The following ZNF804B variants were observed in gnomAD, a reference collection of about 807,000 sequenced individuals.
ZNF804B encodes zinc finger protein 804B, also known as zinc finger 804B.
ZNF804B carries 80 observed loss-of-function variants against 101.4 expected under a neutral mutation model. The observed-to-expected ratio is 0.79, with a 90% CI of 0.66 to 0.95. The LOEUF (loss-of-function observed/expected upper bound fraction) is 0.95, where lower values mean the gene tolerates loss of function less well. ZNF804B is among the 40% of genes least tolerant of loss of function. The pLI is 0.00. For missense variants in ZNF804B, 1,673 were observed against 1,561.9 expected (o/e 1.07, Z -1.20); for synonymous variants, 622 against 558.8 (o/e 1.11, Z -1.59).
intron 1 of ZNF804B, among the ~76,000 whole-genome samples, chr7:88,830,928 C>A (rs932703343): frequency 6.6e-6 from 1 of 151,658 alleles, no homozygotes; most frequent in Admixed American, 6.6e-5. Flanking sequence ...TATTCTTTTT[C>A]TTAAATTTTA....
chr7:89,043,198 C>T (rs1789045520), intron 1 of ZNF804B, among the ~76,000 whole-genome samples: 1 of 152,060 alleles, frequency 6.6e-6, no homozygotes, highest in Non-Finnish European at 1.5e-5. Flanking sequence ...TGCCGGTGTC[C>T]TTTGAGGCAT....
chr7:89,252,785 G>C (rs1376102830), intron 2 of ZNF804B, among the ~76,000 whole-genome samples: 1 of 152,190 alleles, frequency 6.6e-6, no homozygotes, highest in Non-Finnish European at 1.5e-5. Context: ...CACAGAAGCA[G>C]AAAATCAGAT....
chr7:89,331,809 T>C (rs35831039), intron 3 of ZNF804B, among the ~76,000 whole-genome samples: 10,898 of 151,380 alleles, frequency 0.072, 430 homozygotes, highest in East Asian at 0.12. Flanking sequence ...TAAATATCAA[T>C]ACCTAAAGGA....
chr7:88,878,118 A>T (rs577602567), intron 1 of ZNF804B, among the ~76,000 whole-genome samples: 6 of 152,336 alleles, frequency 3.9e-5, no homozygotes, highest in Admixed American at 6.5e-5. Context: ...TAGCTTAGAT[A>T]ATACTTCTAA....
intron 1 of ZNF804B, among the ~76,000 whole-genome samples, chr7:89,111,247 C>T (rs1790211862): frequency 1.3e-5 from 2 of 152,170 alleles, no homozygotes. Flanking sequence ...GGACAAAGAT[C>T]AAAGAATGAA....
chr7:89,065,588 A>G (rs1789445259), intron 1 of ZNF804B, among the ~76,000 whole-genome samples: 1 of 152,162 alleles, frequency 6.6e-6, no homozygotes, highest in Non-Finnish European at 1.5e-5. Flanking sequence ...CCCACAACAC[A>G]CAGTGGGTTA....
chr7:89,107,837 G>A (rs1400708509), intron 1 of ZNF804B, among the ~76,000 whole-genome samples: 4 of 152,122 alleles, frequency 2.6e-5, no homozygotes, highest in South Asian at 2.1e-4. Context: ...ATTACTAAGC[G>A]GCATGGGGGG....
intron 2 of ZNF804B, among the ~76,000 whole-genome samples, chr7:89,274,000 G>A (rs1160454024): frequency 4.0e-5 from 6 of 151,778 alleles, no homozygotes; most frequent in African/African-American, 7.3e-5. Flanking sequence ...TCAAATTCGC[G>A]TCTTGGCCAC....
At chr7:89,218,099 T>A in intron 1 of ZNF804B, 56 bp from the exon 2 acceptor site, 2 of 1,532,156 alleles carry the variant, frequency 1.3e-6, no homozygotes, top group South Asian at 2.4e-5. Flanking sequence ...TAATACGAGA[T>A]CTGGTTATGC....
chr7:89,074,065 T>A (rs1315591051), intron 1 of ZNF804B, among the ~76,000 whole-genome samples: 2 of 152,006 alleles, frequency 1.3e-5, no homozygotes, highest in African/African-American at 4.8e-5. Context: ...AGATGAGAAA[T>A]GGGGAAGGTA....
chr7:89,130,828 G>T (rs1790535975), intron 1 of ZNF804B, among the ~76,000 whole-genome samples: 1 of 151,962 alleles, frequency 6.6e-6, no homozygotes, highest in Non-Finnish European at 1.5e-5. Flanking sequence ...AGGTAGAGAA[G>T]ATCATCCCTA....
At chr7:89,192,014 A>G (rs953338713) in intron 1 of ZNF804B, among the ~76,000 whole-genome samples, 1 of 152,136 alleles carries the variant, frequency 6.6e-6, no homozygotes, top group Non-Finnish European at 1.5e-5. Context: ...CCTGTTATGT[A>G]TGAGATAATA....
chr7:89,309,645 A>G (rs767307899), intron 2 of ZNF804B, among the ~76,000 whole-genome samples: 16 of 151,732 alleles, frequency 1.1e-4, no homozygotes, highest in Non-Finnish European at 2.2e-4. Context: ...CTGTAGTCCC[A>G]GCTACTTGGG....
chr7:89,016,292 G>A (rs1326143550), intron 1 of ZNF804B, among the ~76,000 whole-genome samples: 1 of 152,076 alleles, frequency 6.6e-6, no homozygotes, highest in East Asian at 1.9e-4. Flanking sequence ...TAGGTTGCCT[G>A]TTCACTCTGC....
chr7:88,765,315 G>C (rs946801206), intron 1 of ZNF804B, among the ~76,000 whole-genome samples: 6 of 152,148 alleles, frequency 3.9e-5, no homozygotes, highest in African/African-American at 1.4e-4. Context: ...TGGTATCATG[G>C]GTAGGCTAAA....
chr7:88,881,018 T>A (rs1792021816), intron 1 of ZNF804B, among the ~76,000 whole-genome samples: 1 of 152,046 alleles, frequency 6.6e-6, no homozygotes, highest in Admixed American at 6.6e-5. Context: ...TAACTCTAAC[T>A]CATAGTAAAA....
chr7:88,870,705 A>G (rs943232925), intron 1 of ZNF804B, among the ~76,000 whole-genome samples: 2 of 152,154 alleles, frequency 1.3e-5, no homozygotes, highest in African/African-American at 4.8e-5. Flanking sequence ...AAAAGGAGTC[A>G]ATCCTGACAT....
At chr7:89,259,061 G>A (rs1195364021) in intron 2 of ZNF804B, among the ~76,000 whole-genome samples, 2 of 151,986 alleles carry the variant, frequency 1.3e-5, no homozygotes, top group Non-Finnish European at 2.9e-5. Context: ...ATCATAGAAG[G>A]GTTCATGTCA....
intron 1 of ZNF804B, among the ~76,000 whole-genome samples, chr7:88,805,475 G>T (rs1303276844): frequency 6.6e-6 from 1 of 152,076 alleles, no homozygotes; most frequent in East Asian, 1.9e-4. Context: ...TAAATTTAAA[G>T]CCCTTTGTCC....
Sources: allele counts gnomAD v4.1 joint callset (sites outside exome capture counted in the v4.1 genomes callset), GRCh38; gene constraint gnomAD v4.1.1; transcripts MANE v1.5; gene names NCBI Gene and HGNC (gene_info 2026-07-23, HGNC 2026-07-21).